The following MALRD1 variants were observed in gnomAD, a reference collection of about 807,000 sequenced individuals.
MALRD1 encodes the protein MAM and LDL receptor class A domain containing 1, also known as MAM and LDL-receptor class A domain-containing protein 1.
Under a neutral mutation model 242.1 loss-of-function variants are expected in MALRD1, and 247 were observed. The ratio of observed to expected loss-of-function variants is 1.02; its 90% CI spans 0.92 to 1.13. The LOEUF (loss-of-function observed/expected upper bound fraction) is 1.13, where lower values mean the gene tolerates loss of function less well. Ranked by LOEUF, MALRD1 falls within the 50% of genes most tolerant of loss-of-function variation. The pLI is 0.00. For synonymous variants in MALRD1, 995 were observed against 866.6 expected, an observed-to-expected ratio of 1.15 and a Z score of -2.60; for missense variants, 2,989 against 2,533.1, an observed-to-expected ratio of 1.18 and a Z score of -3.86.
intron 2 of MALRD1, among the ~76,000 whole-genome samples, chr10:19,070,539 T>C (rs954937629): frequency 1.3e-5 from 2 of 152,150 alleles, no homozygotes; most frequent in Non-Finnish European, 2.9e-5. Context: ...TAGGTTGTTT[T>C]AGTTTAAAAA....
chr10:19,334,612 C>G (rs2130932754), intron 24 of MALRD1, among the ~76,000 whole-genome samples: 1 of 152,082 alleles, frequency 6.6e-6, no homozygotes, highest in East Asian at 1.9e-4. Flanking sequence ...CTTTTAAAAT[C>G]ACTTGACTAT....
intron 21 of MALRD1, among the ~76,000 whole-genome samples, chr10:19,297,081 C>G: frequency 6.7e-6 from 1 of 150,156 alleles, no homozygotes; most frequent in Non-Finnish European, 1.5e-5. Context: ...TTGGTATTAT[C>G]TTTATTTATA....
At chr10:19,596,020 A>G (rs189747704) in intron 34 of MALRD1, among the ~76,000 whole-genome samples, 60 of 152,290 alleles carry the variant, frequency 3.9e-4, no homozygotes, top group African/African-American at 1.4e-3. Flanking sequence ...GTCTTGGCAG[A>G]AGTTATTTAA....
At chr10:19,480,523 T>C (rs1564377563) in intron 29 of MALRD1, among the ~76,000 whole-genome samples, 2 of 152,172 alleles carry the variant, frequency 1.3e-5, no homozygotes, top group African/African-American at 4.8e-5. Flanking sequence ...CGTTTCAAAG[T>C]GGAAGGCATT....
At chr10:19,102,277 A>G (rs140599768) in intron 4 of MALRD1, among the ~76,000 whole-genome samples, 4 of 151,972 alleles carry the variant, frequency 2.6e-5, no homozygotes, top group East Asian at 3.9e-4. Flanking sequence ...CTGCCTTTGT[A>G]TAAAACTATC....
Position 19,372,492 on chromosome 10 carries a change from GGA to G in MALRD1, c.4442-15034_4442-15033del, listed in dbSNP as rs538219985. ...ATTTAATTTTTTTTTTTTTGCAAATGGAGTTTCACTCTGTCACCCAGGCTGGA... is the reference window on the plus strand; with the variant it reads ...ATTTAATTTTTTTTTTTTTGCAAATGGTTTCACTCTGTCACCCAGGCTGGA... On this transcript the variant is annotated intron_variant, in intron 26 of 39. Transcript: ENST00000454679. Among the ~76,000 whole-genome samples the G allele has an allele frequency of 4.3e-4, 64 of 149,968 alleles. 1 individual carries two copies. The South Asian group carries it at 0.013, about 31-fold the overall frequency.
At chr10:19,054,848 C>G (rs1834615296) in intron 1 of MALRD1, among the ~76,000 whole-genome samples, 1 of 152,150 alleles carries the variant, frequency 6.6e-6, no homozygotes, top group African/African-American at 2.4e-5. Flanking sequence ...GTGAATAGTA[C>G]TGCAATAAAC....
rs1172933330 is a variant in MALRD1, at chr10:19,238,472, T to C, written c.2992-19212T>C. On this transcript the variant is annotated intron_variant, in intron 18 of 39. Transcript: ENST00000454679. Reference sequence around the variant, plus strand: ...ATTATATATAATATATAATATAATATATAATATACATTATATATAATATAT... The same window carrying C: ...ATTATATATAATATATAATATAATACATAATATACATTATATATAATATAT... Among the ~76,000 whole-genome samples, 11 of 48,352 alleles carry C rather than the reference T, an allele frequency of 2.3e-4. 1 individual carries two copies. Among genetic ancestry groups the C allele is most frequent in the African/African-American group, 1.1e-3 (10 of 8,830 alleles). The allele number at this position is 48,352 out of a possible 152,430, so 31.7% of individuals were successfully genotyped here. A position where few individuals can be genotyped will look rare whatever the true frequency, so the allele number is the denominator to read the frequency against.
At chr10:19,334,166 T>C (rs1178758343) in intron 24 of MALRD1, among the ~76,000 whole-genome samples, 3 of 142,728 alleles carry the variant, frequency 2.1e-5, no homozygotes, top group Non-Finnish European at 4.6e-5. Context: ...TTTAGTTTAA[T>C]TAGGTCCCAC....
At chr10:19,724,024 T>C (rs1318588576) in intron 38 of MALRD1, among the ~76,000 whole-genome samples, 1 of 151,890 alleles carries the variant, frequency 6.6e-6, no homozygotes, top group African/African-American at 2.4e-5. Flanking sequence ...CACCACTGTA[T>C]ACAAGCCTGG....
At chr10:19,515,549 T>A (rs79996644) in intron 31 of MALRD1, among the ~76,000 whole-genome samples, 21,957 of 151,658 alleles carry the variant, frequency 0.14, 4,400 homozygotes, top group African/African-American at 0.46. Context: ...CTTTCTCTTT[T>A]TTTTAATTTT....
intron 36 of MALRD1, among the ~76,000 whole-genome samples, chr10:19,637,811 A>G (rs780220628): frequency 1.6e-4 from 24 of 151,958 alleles, no homozygotes; most frequent in Non-Finnish European, 2.8e-4. Context: ...ACATATAAGA[A>G]TTCGGTAAGC....
At chr10:19,718,908 T>A (rs1234515786) in intron 38 of MALRD1, among the ~76,000 whole-genome samples, 4 of 151,780 alleles carry the variant, frequency 2.6e-5, no homozygotes, top group African/African-American at 9.7e-5. Context: ...GGCTCATGCC[T>A]TTAATCCCAG....
At chr10:19,239,422 C>T (rs1838658511) in intron 18 of MALRD1, among the ~76,000 whole-genome samples, 1 of 152,100 alleles carries the variant, frequency 6.6e-6, no homozygotes, top group African/African-American at 2.4e-5. Flanking sequence ...GTATAGTTTG[C>T]AAATATTGTA....
chr10:19,650,061 G>A (rs1329759450), intron 36 of MALRD1, among the ~76,000 whole-genome samples: 4 of 151,964 alleles, frequency 2.6e-5, no homozygotes, highest in Admixed American at 1.3e-4. Flanking sequence ...AAGCAGATAT[G>A]GAATCTTAGC....
chr10:19,162,717 G>T (rs768069650), intron 12 of MALRD1, among the ~76,000 whole-genome samples: 1 of 152,116 alleles, frequency 6.6e-6, no homozygotes, highest in Non-Finnish European at 1.5e-5. Flanking sequence ...GTTGATAGGA[G>T]TGTAGATTAG....
In MALRD1 at chr10:19,664,407, G is replaced by A. The variant is rs148638535; in HGVS notation, c.6138-27875G>A. 2.4e-3 allele frequency among the ~76,000 whole-genome samples: 362 copies of A among 151,730 alleles called. 1 individual carries two copies. The highest frequency in any genetic ancestry group is 6.8e-3 in the Middle Eastern group (2 of 294). The stretch of plus-strand genomic sequence containing the variant: ...AGGGATTTTTGATTCAGTAATTCTC[G>A]GGCAGGCTCAGGAGATCTCTTTTTT... On this transcript the variant is annotated intron_variant, in intron 36 of 39. Coordinates refer to ENST00000454679, the MANE Select transcript of MALRD1 (RefSeq NM_001142308.3).
intron 29 of MALRD1, among the ~76,000 whole-genome samples, chr10:19,452,019 A>T (rs1835355489): frequency 6.6e-6 from 1 of 152,174 alleles, no homozygotes; most frequent in Non-Finnish European, 1.5e-5. Context: ...TAGACATGAG[A>T]ATATGCTTCT....
Position 19,656,440 on chromosome 10 carries a change from T to C in MALRD1, c.6138-35842T>C, listed in dbSNP as rs149671124. ...CTTTCCAATTTACTAATTCTATAAA[T>C]AAGTGTTTTTCTTTATTAAATATGA... is the stretch of plus-strand genomic sequence containing the variant. On this transcript the variant is annotated intron_variant, in intron 36 of 39. Coordinates refer to ENST00000454679, the MANE Select transcript of MALRD1 (RefSeq NM_001142308.3). Among the ~76,000 whole-genome samples the C allele has an allele frequency of 3.7e-3, 560 of 152,166 alleles. 2 individuals are homozygous for C. The highest frequency in any genetic ancestry group is 0.013 in the African/African-American group (535 of 41,446).
Sources: allele counts gnomAD v4.1 joint callset (sites outside exome capture counted in the v4.1 genomes callset), GRCh38; gene constraint gnomAD v4.1.1; transcripts MANE v1.5; gene names NCBI Gene and HGNC (gene_info 2026-07-23, HGNC 2026-07-21).